Variants in NRXN3 observed in about 807,000 individuals in gnomAD.
The protein encoded by NRXN3 is neurexin 3.
A neutral mutation model predicts 137.6 loss-of-function variants in NRXN3; 32 were observed. The observed-to-expected ratio is 0.23, with a 90% CI of 0.18 to 0.31. The LOEUF (loss-of-function observed/expected upper bound fraction) is 0.31. Ranked by LOEUF, NRXN3 falls within the 10% of genes least tolerant of loss-of-function variation. NRXN3 has a pLI of 1.00. For missense variants in NRXN3, 1,574 were observed against 2,062.5 expected (o/e 0.76, Z 4.59); for synonymous variants, 798 against 784.5 (o/e 1.02, Z -0.29).
chr14:78,380,307 CAA>C (rs34099445), intron 4 of NRXN3, among the ~76,000 whole-genome samples: 130 of 100,472 alleles, frequency 1.3e-3, no homozygotes, highest in African/African-American at 4.9e-3. Flanking sequence ...GACTCCGTCT[CAA>C]AAAAAAAAAA....
intron 15 of NRXN3, among the ~76,000 whole-genome samples, chr14:79,446,140 AAT>A (rs1326949852): frequency 6.6e-6 from 1 of 152,186 alleles, no homozygotes; most frequent in East Asian, 1.9e-4. Context: ...CCGTGAAGAA[AAT>A]ATAGAGTTTA....
At chr14:79,043,755 G>A (rs1568093310) in intron 15 of NRXN3, among the ~76,000 whole-genome samples, 1 of 152,136 alleles carries the variant, frequency 6.6e-6, no homozygotes, top group Non-Finnish European at 1.5e-5. Context: ...TCTATCAAGT[G>A]TCAGTTAAAG....
intron 10 of NRXN3, among the ~76,000 whole-genome samples, chr14:78,927,192 C>T (rs1363234462): frequency 6.7e-6 from 1 of 149,018 alleles, no homozygotes; most frequent in African/African-American, 2.5e-5. Context: ...CGACTATATG[C>T]CAAGCACTCT....
At chr14:78,355,104 A>G (rs2153599190) in intron 4 of NRXN3, among the ~76,000 whole-genome samples, 1 of 152,350 alleles carries the variant, frequency 6.6e-6, no homozygotes, top group Non-Finnish European at 1.5e-5. Flanking sequence ...TGCCTGGATC[A>G]TGACCATAGA....
intron 15 of NRXN3, among the ~76,000 whole-genome samples, chr14:79,300,516 G>T (rs1168439135): frequency 6.6e-6 from 1 of 152,002 alleles, no homozygotes; most frequent in African/African-American, 2.4e-5. Flanking sequence ...ACACATATCT[G>T]CCAGTTGGTT....
intron 15 of NRXN3, among the ~76,000 whole-genome samples, chr14:79,388,810 G>C (rs551604533): frequency 6.6e-6 from 1 of 152,230 alleles, no homozygotes; most frequent in East Asian, 1.9e-4. Context: ...CATAATGCCC[G>C]AATGTTGTAG....
chr14:79,824,834 T>C (rs1284804356), intron 20 of NRXN3, among the ~76,000 whole-genome samples: 2 of 152,360 alleles, frequency 1.3e-5, no homozygotes, highest in Non-Finnish European at 1.5e-5. Context: ...TATCATCATA[T>C]GTAAAATATA....
intron 16 of NRXN3, among the ~76,000 whole-genome samples, chr14:79,518,549 G>T (rs2097022236): frequency 6.6e-6 from 1 of 151,978 alleles, no homozygotes; most frequent in African/African-American, 2.4e-5. Flanking sequence ...ATGAATTAAG[G>T]CATACTAATT....
At chr14:79,347,830 A>G (rs2092974512) in intron 15 of NRXN3, among the ~76,000 whole-genome samples, 1 of 152,208 alleles carries the variant, frequency 6.6e-6, no homozygotes, top group East Asian at 1.9e-4. Flanking sequence ...TCTACCTCTA[A>G]AAGTTTTAGA....
intron 16 of NRXN3, among the ~76,000 whole-genome samples, chr14:79,607,902 C>T (rs1191380553): frequency 2.0e-5 from 3 of 152,102 alleles, no homozygotes; most frequent in Admixed American, 6.5e-5. Flanking sequence ...AACTCCTAGA[C>T]TGAAGTGATC....
intron 4 of NRXN3, among the ~76,000 whole-genome samples, chr14:78,574,589 G>A (rs1206477283): frequency 6.6e-6 from 1 of 152,218 alleles, no homozygotes; most frequent in African/African-American, 2.4e-5. Context: ...CATGGGACCT[G>A]TAGCCCCTTC....
chr14:79,377,164 A>C (rs187111655), intron 15 of NRXN3, among the ~76,000 whole-genome samples: 1 of 152,336 alleles, frequency 6.6e-6, no homozygotes, highest in East Asian at 1.9e-4. Context: ...AGATAGGAAC[A>C]TATGTGAAAA....
chr14:78,340,604 C>G (rs1219481546), intron 4 of NRXN3, among the ~76,000 whole-genome samples: 1 of 152,112 alleles, frequency 6.6e-6, no homozygotes, highest in African/African-American at 2.4e-5. Flanking sequence ...TGTGGCTTCT[C>G]GTCTTCCAGG....
chr14:79,276,861 C>G lies in NRXN3; in HGVS notation c.3263-190360C>G, dbSNP rs563507615. ...AAGGAAAATGTGAGTATGAGATTGG[C>G]AATTGATTCACTGAGTTCGTTCATT... On this transcript the variant is annotated intron_variant, in intron 15 of 20. Transcript: ENST00000335750. Among the ~76,000 whole-genome samples the G allele has an allele frequency of 2.0e-5, 3 of 152,214 alleles. No homozygotes were observed. In the South Asian group the frequency reaches 6.2e-4, roughly 32 times the overall value.
intron 15 of NRXN3, among the ~76,000 whole-genome samples, chr14:79,030,176 T>C (rs2099605314): frequency 6.6e-6 from 1 of 151,538 alleles, no homozygotes. Flanking sequence ...CCACCACGCC[T>C]GGCCCATTAT....
chr14:79,152,024 A>T (rs897933385), intron 15 of NRXN3, among the ~76,000 whole-genome samples: 1 of 152,030 alleles, frequency 6.6e-6, no homozygotes, highest in African/African-American at 2.4e-5. Flanking sequence ...GACATATTTC[A>T]TCCCCAGTTT....
At chr14:79,134,791 C>T (rs2058047184) in intron 15 of NRXN3, among the ~76,000 whole-genome samples, 1 of 152,140 alleles carries the variant, frequency 6.6e-6, no homozygotes, top group Non-Finnish European at 1.5e-5. Flanking sequence ...TCAAGTTGTC[C>T]ATTAGCAGAA....
At chr14:78,690,079 C>T (rs763823736) in intron 6 of NRXN3, among the ~76,000 whole-genome samples, 2 of 152,158 alleles carry the variant, frequency 1.3e-5, no homozygotes, top group Non-Finnish European at 2.9e-5. Flanking sequence ...TGAATCATGT[C>T]TATCTTTGCC....
chr14:79,175,239 C>G (rs1297110589), intron 15 of NRXN3, among the ~76,000 whole-genome samples: 1 of 152,150 alleles, frequency 6.6e-6, no homozygotes, highest in Non-Finnish European at 1.5e-5. Context: ...CTCGGCCTCC[C>G]AAAGTGCTGG....
Sources: gnomAD v4.1 joint callset for allele counts (sites outside exome capture counted in the v4.1 genomes callset) on GRCh38, gnomAD v4.1.1 for gene constraint, MANE v1.5 for transcripts, NCBI Gene and HGNC (gene_info 2026-07-23, HGNC 2026-07-21) for gene names.